The following SPECC1 variants were observed in gnomAD, a reference collection of about 807,000 sequenced individuals.
SPECC1 encodes sperm antigen with calponin homology and coiled-coil domains 1.
Under a neutral mutation model 104.1 loss-of-function variants are expected in SPECC1, and 62 were observed. The observed-to-expected ratio is 0.60, with a 90% CI of 0.49 to 0.74. The LOEUF (loss-of-function observed/expected upper bound fraction) is 0.74, where lower values mean the gene tolerates loss of function less well. Ranked by LOEUF, SPECC1 falls within the 30% of genes least tolerant of loss-of-function variation. SPECC1 has a pLI of 0.00. For missense variants in SPECC1, 1,306 were observed against 1,310.5 expected (o/e 1.00, Z 0.05); for synonymous variants, 513 against 501.6 (o/e 1.02, Z -0.30).
chr17:20,051,469 C>G (rs1470942936), intron 1 of SPECC1, among the ~76,000 whole-genome samples: 4 of 152,074 alleles, frequency 2.6e-5, no homozygotes, highest in Non-Finnish European at 5.9e-5. Flanking sequence ...GCCACTGTGC[C>G]CAGCTAGCAC....
chr17:20,115,166 C>T (rs1019474290), intron 3 of SPECC1, among the ~76,000 whole-genome samples: 2 of 152,056 alleles, frequency 1.3e-5, no homozygotes, highest in Non-Finnish European at 2.9e-5. Flanking sequence ...ATCCCATGAT[C>T]AAATATTAAT....
intron 3 of SPECC1, chr17:20,112,248 G>A (rs902142187): frequency 2.6e-6 from 2 of 763,190 alleles, no homozygotes; most frequent in African/African-American, 3.4e-5. Flanking sequence ...CCGAAGTCCT[G>A]AGTACTTTGA....
At chr17:20,110,318 G>GT (rs2048422343) in intron 2 of SPECC1, 109 bp from the exon 3 acceptor site, 5 of 1,320,494 alleles carry the variant, frequency 3.8e-6, no homozygotes, top group Non-Finnish European at 5.2e-6. Flanking sequence ...TGCTGTTATT[G>GT]TATCTTGACT....
chr17:20,112,142 T>C (rs2048525905), intron 3 of SPECC1: 1 of 763,366 alleles, frequency 1.3e-6, no homozygotes, highest in Non-Finnish European at 2.4e-6. Context: ...CAGAGCACTT[T>C]AGTGAATAAA....
At chr17:20,204,263 C>T (rs2036619207) in intron 3 of SPECC1, 70 bp from the exon 4 acceptor site, 2 of 1,523,562 alleles carry the variant, frequency 1.3e-6, no homozygotes, top group African/African-American at 2.8e-5. Context: ...ATGTGATTTA[C>T]AGTCATTTGG....
chr17:20,300,202 C>T (rs969006830), intron 13 of SPECC1, among the ~76,000 whole-genome samples: 1 of 152,138 alleles, frequency 6.6e-6, no homozygotes, highest in Non-Finnish European at 1.5e-5. Flanking sequence ...CACCTGGGAA[C>T]CCCAGTGTTT....
At chr17:20,210,316 C>A (rs771248288) in intron 4 of SPECC1, among the ~76,000 whole-genome samples, 1 of 152,314 alleles carries the variant, frequency 6.6e-6, no homozygotes. Flanking sequence ...ACTCCCTCCA[C>A]CCCGGCCCCA....
At chr17:20,228,024 C>T (rs1435515704) in intron 5 of SPECC1, among the ~76,000 whole-genome samples, 3 of 151,968 alleles carry the variant, frequency 2.0e-5, no homozygotes, top group East Asian at 1.9e-4. Flanking sequence ...CATTTGAGTG[C>T]GCTGTAATCT....
chr17:20,298,747 TTGA>T (rs2041439123), intron 13 of SPECC1, among the ~76,000 whole-genome samples: 2 of 152,038 alleles, frequency 1.3e-5, no homozygotes, highest in Non-Finnish European at 2.9e-5. Context: ...GGTGTCTAGT[TTGA>T]AAGGGCCATT....
chr17:20,140,439 G>A (rs767449374), intron 3 of SPECC1, among the ~76,000 whole-genome samples: 5 of 152,102 alleles, frequency 3.3e-5, no homozygotes, highest in African/African-American at 4.8e-5. Context: ...CATTTTTAGT[G>A]ACTCATCTTC....
intron 1 of SPECC1, among the ~76,000 whole-genome samples, chr17:20,066,288 T>G (rs1457703591): frequency 1.3e-5 from 2 of 152,244 alleles, no homozygotes; most frequent in East Asian, 3.8e-4. Context: ...ATTTTCATCT[T>G]TGCCTTTCTC....
intron 1 of SPECC1, among the ~76,000 whole-genome samples, chr17:20,029,140 C>T (rs1344496395): frequency 6.6e-6 from 1 of 152,116 alleles, no homozygotes; most frequent in African/African-American, 2.4e-5. Flanking sequence ...GTCTTTTGAT[C>T]CATGAACATG....
chr17:20,215,484 C>T (rs2037429119), intron 4 of SPECC1, among the ~76,000 whole-genome samples: 1 of 152,330 alleles, frequency 6.6e-6, no homozygotes, highest in Middle Eastern at 3.4e-3. Flanking sequence ...TCCACTTGTT[C>T]TGTTTTCTAA....
chr17:20,100,747 A>G (rs987695219), intron 2 of SPECC1, among the ~76,000 whole-genome samples: 1 of 152,146 alleles, frequency 6.6e-6, no homozygotes, highest in Non-Finnish European at 1.5e-5. Context: ...TGCTGTGCCT[A>G]TCAACCAGTC....
intron 3 of SPECC1, among the ~76,000 whole-genome samples, chr17:20,132,815 C>G (rs2049722510): frequency 6.6e-6 from 1 of 152,034 alleles, no homozygotes; most frequent in Admixed American, 6.6e-5. Flanking sequence ...TCTCGGCTCA[C>G]TGCAAGCTCC....
At chr17:20,056,905 T>C (rs1021061313) in intron 1 of SPECC1, among the ~76,000 whole-genome samples, 2 of 152,230 alleles carry the variant, frequency 1.3e-5, no homozygotes, top group African/African-American at 4.8e-5. Flanking sequence ...ATAGTATCTA[T>C]AGCCCAGGAC....
intron 4 of SPECC1, among the ~76,000 whole-genome samples, chr17:20,211,595 G>T (rs1027916226): frequency 1.1e-4 from 17 of 152,260 alleles, no homozygotes; most frequent in African/African-American, 4.1e-4. Flanking sequence ...TATTTTGTGG[G>T]ATGTGATAGG....
intron 3 of SPECC1, among the ~76,000 whole-genome samples, chr17:20,181,208 T>G (rs2034860352): frequency 6.6e-6 from 1 of 152,086 alleles, no homozygotes; most frequent in South Asian, 2.1e-4. Flanking sequence ...ATGCTTTTAT[T>G]AGTATAAGAA....
chr17:20,042,865 A>G (rs1340361296), intron 1 of SPECC1, among the ~76,000 whole-genome samples: 1 of 152,018 alleles, frequency 6.6e-6, no homozygotes, highest in Non-Finnish European at 1.5e-5. Context: ...AGGCACCTGG[A>G]TAGTCTGCCT....
Sources: allele counts gnomAD v4.1 joint callset (sites outside exome capture counted in the v4.1 genomes callset), GRCh38; gene constraint gnomAD v4.1.1; transcripts MANE v1.5; gene names NCBI Gene and HGNC (gene_info 2026-07-23, HGNC 2026-07-21).